Variants in GTF2H1 observed in about 807,000 individuals in gnomAD.
GTF2H1 encodes the protein BTF2 p62.
In GTF2H1, 16 loss-of-function variants were observed where a neutral mutation model predicts 71.2. The observed-to-expected ratio is 0.22, with a 90% CI of 0.15 to 0.34. The LOEUF (loss-of-function observed/expected upper bound fraction) is 0.34. Among genes scored for constraint, GTF2H1 ranks in the 10% least tolerant of loss-of-function variants. The pLI is 1.00. For synonymous variants in GTF2H1, 215 were observed against 219.0 expected (o/e 0.98, Z 0.16); for missense variants, 498 against 648.2 (o/e 0.77, Z 2.52).
At chr11:18,342,796 T>C (rs1212755799) in intron 7 of GTF2H1, among the ~76,000 whole-genome samples, 2 of 152,238 alleles carry the variant, frequency 1.3e-5, no homozygotes, top group African/African-American at 4.8e-5. Flanking sequence ...CTTTATCTTC[T>C]GTTTAGTATC....
intron 1 of GTF2H1, among the ~76,000 whole-genome samples, chr11:18,324,838 T>C (rs1328083299): frequency 6.6e-6 from 1 of 152,218 alleles, no homozygotes; most frequent in African/African-American, 2.4e-5. Context: ...TATTTTCTTC[T>C]GTCATGCATC....
intron 5 of GTF2H1, 137 bp from the exon 6 acceptor site, chr11:18,341,124 A>T (rs751282694): frequency 1.6e-6 from 1 of 626,320 alleles, no homozygotes; most frequent in African/African-American, 1.9e-5. Flanking sequence ...TCATATTTAT[A>T]ATTAGATTAT....
In GTF2H1 at chr11:18,341,350, G is replaced by A; in HGVS notation, c.697G>A (p.Asp233Asn). 6.2e-7 allele frequency: 1 copy of A among 1,613,988 alleles called. No individual in the cohort carries two copies. Among genetic ancestry groups the A allele is most frequent in the East Asian group, 2.2e-5 (1 of 44,854 alleles). ...TTTCCAGTCCCATTATTTTCACAGG[G>A]ATCGGCTGAATACAGGGTCAAAGGA... ...RFFQSHYFHRDRLNTGSKDLF... is the reference protein window; with the variant it reads ...RFFQSHYFHRNRLNTGSKDLF... Residue 233 changes from aspartate to asparagine, a missense_variant, in exon 6 of 15, where the codon GAT becomes AAT. By Grantham distance (23) the Asp-to-Asn change is conservative. This residue lies in a region of GTF2H1 where 216 missense variants were observed against 306.2 expected (regional missense o/e 0.71). Transcript: ENST00000265963.
chr11:18,363,843 C>A (rs1009555856), intron 14 of GTF2H1, among the ~76,000 whole-genome samples: 1 of 151,840 alleles, frequency 6.6e-6, no homozygotes, highest in African/African-American at 2.4e-5. Context: ...GAGGCTGAGG[C>A]GGGTGGATCA....
chr11:18,323,394 T>C (rs1052927307), intron 1 of GTF2H1, among the ~76,000 whole-genome samples: 4 of 152,058 alleles, frequency 2.6e-5, no homozygotes, highest in Admixed American at 2.6e-4. Context: ...ATTCCTGGGC[T>C]CAAGCGATTC....
rs373861990 is a variant in GTF2H1 at position 18,339,581 on chromosome 11, A to G, written c.531A>G (p.Gln177=). ...TGTTTTAGGCTGATGTCCGGCCCCA[A>G]ACTGATGGCTGTAACGGTCTAAGAT... ...SAAFLADVRP[Q]TDGCNGLRYN... is the part of the protein sequence containing the mutation. The change falls in exon 5 of 15, where the codon CAA becomes CAG. Residue 177 remains glutamine (Q), a synonymous_variant. Transcript: ENST00000265963. 6.2e-7 allele frequency: 1 copy of G among 1,613,338 alleles called. No homozygotes were observed.
At chr11:18,341,459 A>G in intron 6 of GTF2H1, 49 bp downstream of exon 6, 4 of 1,605,652 alleles carry the variant, frequency 2.5e-6, no homozygotes, top group Non-Finnish European at 3.4e-6. Flanking sequence ...GCCACCCTCT[A>G]GACATTATAA....
intron 11 of GTF2H1, among the ~76,000 whole-genome samples, chr11:18,356,377 CAAAAAAA>C (rs771914874): frequency 1.3e-5 from 1 of 76,960 alleles, no homozygotes. Context: ...GACTCTGTCT[CAAAAAAA>C]AAAAAAAAAA....
At chr11:18,338,030 G>C (rs901204767) in intron 3 of GTF2H1, 79 bp from the exon 4 acceptor site, 21 of 929,146 alleles carry the variant, frequency 2.3e-5, no homozygotes, top group Non-Finnish European at 3.0e-5. Context: ...GTTTTGTGTT[G>C]CCAAAATCTT....
At chr11:18,337,451 GA>G (rs989262711) in intron 3 of GTF2H1, among the ~76,000 whole-genome samples, 30 of 146,086 alleles carry the variant, frequency 2.1e-4, no homozygotes, top group African/African-American at 6.8e-4. Context: ...TCTCAAAAAA[GA>G]AAAAAAAAAC....
At chr11:18,356,217 A>G (rs1282599689) in intron 11 of GTF2H1, among the ~76,000 whole-genome samples, 1 of 152,012 alleles carries the variant, frequency 6.6e-6, no homozygotes, top group African/African-American at 2.4e-5. Context: ...GTCTCTACCA[A>G]AAATACAAAA....
At chr11:18,361,048 C>G (rs1441374371) in intron 14 of GTF2H1, among the ~76,000 whole-genome samples, 1 of 151,970 alleles carries the variant, frequency 6.6e-6, no homozygotes, top group Non-Finnish European at 1.5e-5. Context: ...GGTAATCAGC[C>G]CACCTTGGCC....
In GTF2H1 at chr11:18,339,101, C is replaced by T. The variant is rs574400445; in HGVS notation, c.514-463C>T. On this transcript the variant is annotated intron_variant, in intron 4 of 14. Transcript: ENST00000265963. ...TCAGTCAGTTGGTATTCTAGTGGAA[C>T]CAGAATAGTATTAACACATTCAACA... Among the ~76,000 whole-genome samples, 44 of 152,182 alleles carry T rather than the reference C, an allele frequency of 2.9e-4. 1 individual carries two copies. The East Asian group carries it at 3.5e-3, about 12-fold the overall frequency.
chr11:18,334,950 A>T (rs1053675090), intron 2 of GTF2H1, among the ~76,000 whole-genome samples: 8 of 151,760 alleles, frequency 5.3e-5, no homozygotes, highest in South Asian at 4.1e-4. Flanking sequence ...TTTTTGGTTT[A>T]TTTTTTTATT....
Position 18,333,119 on chromosome 11 carries a change from G to A in GTF2H1, c.45G>A (p.Val15=). 2.5e-6 allele frequency: 4 copies of A among 1,612,782 alleles called. No individual in the cohort carries two copies. Among genetic ancestry groups the A allele is most frequent in the Admixed American group, 3.3e-5 (2 of 59,954 alleles). ...AAGTTTTGCTGATTGTAAAGAAAGT[G>A]CGTCAAAAGAAGCAGGATGGAGCTC... is the stretch of plus-strand genomic sequence containing the variant. The part of the protein sequence containing the change: ...SEEVLLIVKK[V]RQKKQDGALY... The change falls in exon 2 of 15, where the codon GTG becomes GTA. Residue 15 remains valine, a synonymous_variant. Transcript: ENST00000265963.
At chr11:18,357,533 A>G (rs748512387) in intron 11 of GTF2H1, among the ~76,000 whole-genome samples, 2 of 152,198 alleles carry the variant, frequency 1.3e-5, no homozygotes, top group African/African-American at 2.4e-5. Context: ...CCTGGGCAAC[A>G]TAACAAGATT....
chr11:18,335,272 A>G (rs1365591582), intron 2 of GTF2H1, among the ~76,000 whole-genome samples: 1 of 152,244 alleles, frequency 6.6e-6, no homozygotes, highest in Non-Finnish European at 1.5e-5. Flanking sequence ...TAAGTTTGAT[A>G]ACTTTATTAA....
At position 18,335,747 on chromosome 11, in the gene GTF2H1, T is replaced by C. The variant is rs780992859; in HGVS notation, c.155-7T>C. On this transcript the variant is annotated splice_region_variant and splice_polypyrimidine_tract_variant and intron_variant, in intron 2 of 14. Transcript: ENST00000265963. The stretch of plus-strand genomic sequence containing the variant: ...CATCATCTAACTGCCCTCATGCTTC[T>C]TTTTAGGCCAGAAAATTAGTCCAGA... 1 of 1,610,680 alleles carries C rather than the reference T, an allele frequency of 6.2e-7. No individual in the cohort carries two copies. Among genetic ancestry groups the C allele is most frequent in the Non-Finnish European group, 8.5e-7 (1 of 1,177,528 alleles).
intron 7 of GTF2H1, among the ~76,000 whole-genome samples, chr11:18,345,552 T>C (rs1590191248): frequency 6.6e-6 from 1 of 151,292 alleles, no homozygotes; most frequent in African/African-American, 2.4e-5. Flanking sequence ...AGGCTGGAGT[T>C]CAGTGGCGTG....
Sources: allele counts gnomAD v4.1 joint callset (sites outside exome capture counted in the v4.1 genomes callset), GRCh38; gene constraint gnomAD v4.1.1; regional missense constraint gnomAD v4.1.1; transcripts MANE v1.5; gene names NCBI Gene and HGNC (gene_info 2026-07-23, HGNC 2026-07-21).